MAGI2: variants seen among roughly 807,000 people sequenced by gnomAD.
MAGI2 encodes the protein membrane-associated guanylate kinase, WW and PDZ domain-containing protein 2.
MAGI2 carries 35 observed loss-of-function variants against 133.3 expected under a neutral mutation model. The ratio of observed to expected loss-of-function variants is 0.26; its 90% CI spans 0.20 to 0.35. The LOEUF (loss-of-function observed/expected upper bound fraction) is 0.35. MAGI2 is among the 10% of genes least tolerant of loss of function. The pLI, the probability that MAGI2 is intolerant of heterozygous loss-of-function variation, is 1.00. For missense variants in MAGI2, 1,636 were observed against 1,863.4 expected, an observed-to-expected ratio of 0.88 and a Z score of 2.25; for synonymous variants, 729 against 710.6, an observed-to-expected ratio of 1.03 and a Z score of -0.41.
intron 20 of MAGI2, among the ~76,000 whole-genome samples, chr7:78,098,641 T>C (rs1420455687): frequency 6.6e-6 from 1 of 152,128 alleles, no homozygotes; most frequent in Non-Finnish European, 1.5e-5. Context: ...ATTTGTAGAG[T>C]ATATGTGCAC....
chr7:79,029,872 C>G (rs917789081), intron 1 of MAGI2, among the ~76,000 whole-genome samples: 1 of 152,138 alleles, frequency 6.6e-6, no homozygotes, highest in Non-Finnish European at 1.5e-5. Context: ...TTACTCTGGT[C>G]TCTTGATTTT....
intron 3 of MAGI2, among the ~76,000 whole-genome samples, chr7:78,575,532 G>T (rs764635549): frequency 3.7e-4 from 57 of 152,202 alleles, no homozygotes; most frequent in Middle Eastern, 3.4e-3. Flanking sequence ...GGTAGAGTGT[G>T]GGGGAAATCA....
chr7:78,221,617 G>A (rs761528300), intron 10 of MAGI2, among the ~76,000 whole-genome samples: 7 of 152,000 alleles, frequency 4.6e-5, no homozygotes, highest in Non-Finnish European at 7.4e-5. Flanking sequence ...AATCCATATC[G>A]CTCATATTAT....
At chr7:78,505,398 T>G (rs1424187502) in intron 4 of MAGI2, among the ~76,000 whole-genome samples, 1 of 152,206 alleles carries the variant, frequency 6.6e-6, no homozygotes, top group Non-Finnish European at 1.5e-5. Flanking sequence ...CCTAGCTGAT[T>G]CCTTATAAAG....
chr7:79,126,505 G>C (rs535097955), intron 1 of MAGI2, among the ~76,000 whole-genome samples: 6 of 152,046 alleles, frequency 3.9e-5, no homozygotes, highest in Non-Finnish European at 8.8e-5. Context: ...AAGAGAAGTA[G>C]AGAAAAGTCG....
At chr7:78,949,141 C>T (rs1372605419) in intron 2 of MAGI2, among the ~76,000 whole-genome samples, 1 of 152,040 alleles carries the variant, frequency 6.6e-6, no homozygotes, top group Non-Finnish European at 1.5e-5. Context: ...TATACAATTG[C>T]AGAATTACTA....
At chr7:78,221,234 C>G (rs911873933) in intron 10 of MAGI2, among the ~76,000 whole-genome samples, 2 of 152,180 alleles carry the variant, frequency 1.3e-5, no homozygotes, top group Non-Finnish European at 1.5e-5. Context: ...GTATTCTGGC[C>G]TCTCTTGTGG....
intron 6 of MAGI2, among the ~76,000 whole-genome samples, chr7:78,472,356 A>T (rs1247397824): frequency 6.6e-6 from 1 of 152,144 alleles, no homozygotes; most frequent in Non-Finnish European, 1.5e-5. Context: ...AATAGAAGTC[A>T]ACAACTTTCA....
At chr7:78,159,320 C>T (rs1417178069) in intron 16 of MAGI2, among the ~76,000 whole-genome samples, 5 of 152,214 alleles carry the variant, frequency 3.3e-5, no homozygotes, top group African/African-American at 7.2e-5. Context: ...ATATCTCATG[C>T]TTCCACTCTT....
intron 1 of MAGI2, among the ~76,000 whole-genome samples, chr7:79,247,137 A>T (rs763779599): frequency 6.6e-6 from 1 of 152,200 alleles, no homozygotes; most frequent in Non-Finnish European, 1.5e-5. Context: ...CTGTCCTACA[A>T]GAAATCTAAA....
intron 1 of MAGI2, among the ~76,000 whole-genome samples, chr7:79,317,312 G>A (rs1838815489): frequency 6.6e-6 from 1 of 151,892 alleles, no homozygotes; most frequent in Admixed American, 6.6e-5. Context: ...GCATGAGCCT[G>A]CACGCCCAGC....
At chr7:78,852,969 T>G (rs966308868) in intron 2 of MAGI2, among the ~76,000 whole-genome samples, 11 of 152,220 alleles carry the variant, frequency 7.2e-5, no homozygotes, top group Admixed American at 2.6e-4. Context: ...AGTTGCTGTT[T>G]GAATTAGCTA....
At chr7:78,517,159 A>C (rs1796109780) in intron 4 of MAGI2, among the ~76,000 whole-genome samples, 1 of 138,342 alleles carries the variant, frequency 7.2e-6, no homozygotes, top group South Asian at 2.2e-4. Context: ...GAAAATATCT[A>C]AATATAGGTG....
intron 1 of MAGI2, among the ~76,000 whole-genome samples, chr7:79,419,302 C>T (rs952436588): frequency 2.0e-5 from 3 of 151,986 alleles, no homozygotes; most frequent in Non-Finnish European, 2.9e-5. Context: ...GATATGAAAG[C>T]TGTGGTTGCT....
chr7:79,044,475 A>G (rs901691022), intron 1 of MAGI2, among the ~76,000 whole-genome samples: 1 of 152,208 alleles, frequency 6.6e-6, no homozygotes, highest in African/African-American at 2.4e-5. Flanking sequence ...AGCCAACATC[A>G]TATTGAATGG....
At chr7:79,411,916 A>ATAGTATTC (rs1846170133) in intron 1 of MAGI2, 1 of 151,910 alleles carries the variant, frequency 6.6e-6, no homozygotes, top group Non-Finnish European at 1.5e-5. Flanking sequence ...TTCAATTGAA[A>ATAGTATTC]AATTGAATAC....
At chr7:78,983,773 G>T (rs1274028883) in intron 2 of MAGI2, among the ~76,000 whole-genome samples, 1 of 151,566 alleles carries the variant, frequency 6.6e-6, no homozygotes, top group African/African-American at 2.4e-5. Flanking sequence ...TTCCTTGCTG[G>T]TTCCCTTTGC....
At chr7:78,578,089 G>A (rs546444904) in intron 3 of MAGI2, among the ~76,000 whole-genome samples, 1 of 124,428 alleles carries the variant, frequency 8.0e-6, no homozygotes, top group Non-Finnish European at 1.7e-5. Context: ...TATTTTATTG[G>A]TTTTCACTTT....
At chr7:78,279,284 G>C (rs894172256) in intron 9 of MAGI2, among the ~76,000 whole-genome samples, 6 of 145,834 alleles carry the variant, frequency 4.1e-5, no homozygotes, top group African/African-American at 1.5e-4. Context: ...ATTTTGATGA[G>C]ACATAGTCCA....
Sources: allele counts gnomAD v4.1 joint callset (sites outside exome capture counted in the v4.1 genomes callset), GRCh38; gene constraint gnomAD v4.1.1; transcripts MANE v1.5; gene names NCBI Gene and HGNC (gene_info 2026-07-23, HGNC 2026-07-21).